Variants in ZNF608 observed in about 807,000 individuals in gnomAD.
ZNF608 encodes renal carcinoma antigen NY-REN-36.
Under a neutral mutation model 109.0 loss-of-function variants are expected in ZNF608, and 12 were observed. The observed-to-expected ratio is 0.11, with a 90% CI of 0.07 to 0.18. ZNF608 has a LOEUF of 0.18. Among genes scored for constraint, ZNF608 ranks in the 10% least tolerant of loss-of-function variants. The probability of loss-of-function intolerance (pLI) is 1.00; values close to 1 mark genes in which losing one functional copy is unlikely to be tolerated. For missense variants in ZNF608, 1,707 were observed against 1,879.3 expected (o/e 0.91, Z 1.70); for synonymous variants, 732 against 717.4 (o/e 1.02, Z -0.33).
chr5:124,692,974 T>A (rs746440300), intron 3 of ZNF608, among the ~76,000 whole-genome samples: 2 of 152,192 alleles, frequency 1.3e-5, no homozygotes, highest in Non-Finnish European at 1.5e-5. Flanking sequence ...AGGACAATGA[T>A]GTAAAAGTCA....
intron 3 of ZNF608, among the ~76,000 whole-genome samples, chr5:124,691,052 C>A (rs1447381216): frequency 6.6e-6 from 1 of 151,886 alleles, no homozygotes; most frequent in Non-Finnish European, 1.5e-5. Context: ...ACTCAAGAGG[C>A]CAAGATGGTA....
chr5:124,648,925 C>T lies in ZNF608; in HGVS notation c.1459G>A (p.Ala487Thr), dbSNP rs780294402. Residue 487 changes from alanine (A) to threonine (T), a missense_variant, in exon 5 of 10, where the codon GCT becomes ACT. Coordinates refer to ENST00000513986, the MANE Select transcript of ZNF608 (RefSeq NM_020747.3). ...SGRRTPPNCAAEDIKASPSST... is the reference protein window; with the variant it reads ...SGRRTPPNCATEDIKASPSST... The stretch of plus-strand genomic sequence containing the variant: ...GAAGGGCTGGCTTTGATATCCTCAG[C>T]AGCACAATTTGGGGGTGTCCTTCGT... The T allele has an allele frequency of 5.0e-6, 8 of 1,614,074 alleles. No homozygotes were observed. In the Admixed American group the frequency reaches 1.3e-4, roughly 27 times the overall value.
intron 3 of ZNF608, among the ~76,000 whole-genome samples, chr5:124,675,549 G>A (rs748434448): frequency 6.6e-5 from 10 of 152,054 alleles, no homozygotes; most frequent in Non-Finnish European, 1.0e-4. Flanking sequence ...TATTGTATCC[G>A]TTAATATTTT....
Position 124,744,771 on chromosome 5 carries a change from A to G in ZNF608, c.219T>C (p.Ala73=). ...CATCAGCTAAGGCTGCGGTAGCACC[A>G]GCCCCACTGGAGGCCGGACCTCCAC... ...KDCGGPASSG[A]GATAALADGL... is the part of the protein sequence containing the mutation. Residue 73 remains alanine, a synonymous_variant, in exon 2 of 10, where the codon GCT becomes GCC. Transcript: ENST00000513986. This position sits in a 1 kb window ranked among gnomAD's most constrained non-coding sequence, Gnocchi z 4.5. 6.2e-7 allele frequency: 1 copy of G among 1,614,240 alleles called. No individual in the cohort carries two copies. Among genetic ancestry groups the G allele is most frequent in the African/African-American group, 1.3e-5 (1 of 75,066 alleles).
intron 2 of ZNF608, among the ~76,000 whole-genome samples, chr5:124,724,307 A>C (rs1294611277): frequency 6.6e-6 from 1 of 152,078 alleles, no homozygotes; most frequent in Non-Finnish European, 1.5e-5. Flanking sequence ...GGGGGGCATA[A>C]GGGGGAAGTA....
chr5:124,700,954 A>C (rs1561569702), intron 3 of ZNF608, 60 bp downstream of exon 3: 1 of 1,592,718 alleles, frequency 6.3e-7, no homozygotes, highest in East Asian at 2.2e-5. Flanking sequence ...TCACAGGTGG[A>C]CATAAATACA....
rs1440663193 is a variant in ZNF608, at chr5:124,646,994, T to C, written c.3390A>G (p.Lys1130=). The C allele has an allele frequency of 6.2e-7, 1 of 1,614,126 alleles. No individual in the cohort carries two copies. Among genetic ancestry groups the C allele is most frequent in the African/African-American group, 1.3e-5 (1 of 75,030 alleles). Residue 1130 remains lysine (K), a synonymous_variant, in exon 5 of 10, where the codon AAA becomes AAG. Coordinates refer to ENST00000513986, the MANE Select transcript of ZNF608 (RefSeq NM_020747.3). ...AQTGRGDCER[K]SELPLKELGK... Reference sequence around the variant, plus strand: ...CCAGCTCTTTCAAGGGGAGCTCACTTTTCCTTTCACAGTCTCCTCTCCCAG... The same window carrying C: ...CCAGCTCTTTCAAGGGGAGCTCACTCTTCCTTTCACAGTCTCCTCTCCCAG...
chr5:124,716,425 T>C (rs1047181729), intron 2 of ZNF608, among the ~76,000 whole-genome samples: 6 of 152,146 alleles, frequency 3.9e-5, no homozygotes, highest in African/African-American at 1.4e-4. Context: ...TTAATACTTA[T>C]CAATAAACAT....
intron 2 of ZNF608, among the ~76,000 whole-genome samples, chr5:124,706,309 A>G (rs1753258245): frequency 1.3e-5 from 2 of 152,222 alleles, no homozygotes; most frequent in Admixed American, 6.5e-5. Context: ...GATCATACAA[A>G]TAACTTTAGC....
chr5:124,721,053 A>T (rs1561582942), intron 2 of ZNF608, among the ~76,000 whole-genome samples: 1 of 152,178 alleles, frequency 6.6e-6, no homozygotes, highest in Admixed American at 6.5e-5. Flanking sequence ...ACAGGATGCC[A>T]TGACAGTTTG....
Position 124,643,586 on chromosome 5 carries a change from C to T in ZNF608, c.4221G>A (p.Thr1407=), listed in dbSNP as rs565736035. The change falls in exon 7 of 10, where the codon ACG becomes ACA. Residue 1407 remains threonine, a synonymous_variant. Transcript: ENST00000513986. Reference sequence around the variant, plus strand: ...GTGCTTTAGATTCAGTGGTTGTTTTCGTGTTGACGCTAGGGCTGGTATTGA... The same window carrying T: ...GTGCTTTAGATTCAGTGGTTGTTTTTGTGTTGACGCTAGGGCTGGTATTGA... ...EKVNTSPSVN[T]KTTTESKALD... is the part of the protein sequence containing the mutation. 5.0e-5 allele frequency: 81 copies of T among 1,614,198 alleles called. No homozygotes were observed. The highest frequency in any genetic ancestry group is 6.3e-5 in the Non-Finnish European group (74 of 1,180,030).
chr5:124,662,598 A>G (rs1751308229), intron 3 of ZNF608, among the ~76,000 whole-genome samples: 1 of 152,248 alleles, frequency 6.6e-6, no homozygotes, highest in Non-Finnish European at 1.5e-5. Flanking sequence ...AGGCTTTAGC[A>G]AGAGAAAGGC....
At chr5:124,715,882 G>A (rs983570519) in intron 2 of ZNF608, among the ~76,000 whole-genome samples, 4 of 151,888 alleles carry the variant, frequency 2.6e-5, no homozygotes, top group African/African-American at 9.7e-5. Context: ...GGTGGCTCAC[G>A]CCTGTAATCC....
At position 124,637,791 on chromosome 5, in the gene ZNF608, G is replaced by A; in HGVS notation, c.*109C>T. On this transcript the variant is annotated 3_prime_UTR_variant, in exon 10 of 10. Coordinates refer to ENST00000513986, the MANE Select transcript of ZNF608 (RefSeq NM_020747.3). The stretch of plus-strand genomic sequence containing the variant: ...GTAATTTACAAAAATGAAATGACTG[G>A]TTTTTGCCTGCCATTAAGGCATTTC... 8.9e-7 allele frequency: 1 copy of A among 1,129,388 alleles called. No homozygotes were observed. Among genetic ancestry groups the A allele is most frequent in the East Asian group, 2.5e-5 (1 of 39,406 alleles). 70.0% of individuals were successfully genotyped at this position (1,129,388 alleles called of 1,614,324 possible).
chr5:124,722,037 C>T (rs749445258), intron 2 of ZNF608, among the ~76,000 whole-genome samples: 1 of 150,218 alleles, frequency 6.7e-6, no homozygotes, highest in Non-Finnish European at 1.5e-5. Context: ...GCTTCTCTCC[C>T]TGGATCATGA....
At chr5:124,715,161 C>T (rs4529188) in intron 2 of ZNF608, among the ~76,000 whole-genome samples, 1 of 151,934 alleles carries the variant, frequency 6.6e-6, no homozygotes, top group Non-Finnish European at 1.5e-5. Context: ...AATGAAACAA[C>T]CTCTATGAAA....
At chr5:124,696,013 G>A (rs1462812529) in intron 3 of ZNF608, among the ~76,000 whole-genome samples, 9 of 152,026 alleles carry the variant, frequency 5.9e-5, no homozygotes, top group East Asian at 1.9e-4. Flanking sequence ...GAGAAACCCC[G>A]TCTCTACTAA....
chr5:124,746,801 A>AG (rs1008520200), upstream of ZNF608: 112 of 957,486 alleles, frequency 1.2e-4, no homozygotes, highest in Admixed American at 1.7e-3. Flanking sequence ...AGAGAAAAGG[A>AG]GGGGGGGAGT....
In ZNF608 at chr5:124,649,934, T is replaced by C. The variant is rs1580540969; in HGVS notation, c.1163-237A>G. Among the ~76,000 whole-genome samples, 6 of 152,242 alleles carry C rather than the reference T, an allele frequency of 3.9e-5. 1 individual carries two copies. In the South Asian group the frequency reaches 1.2e-3, roughly 31 times the overall value. ...CGCATGTGGTACAAAGGAGTGAGAC[T>C]GTGTGTGAGAGTGTAATCAAGATAC... On this transcript the variant is annotated intron_variant, in intron 3 of 9. Coordinates refer to ENST00000513986, the MANE Select transcript of ZNF608 (RefSeq NM_020747.3).
Sources: allele counts gnomAD v4.1 joint callset (sites outside exome capture counted in the v4.1 genomes callset), GRCh38; gene constraint gnomAD v4.1.1; non-coding constraint Gnocchi (gnomAD v3.1); transcripts MANE v1.5; gene names NCBI Gene and HGNC (gene_info 2026-07-23, HGNC 2026-07-21).